Variants in RALYL observed in about 807,000 individuals in gnomAD.
The protein encoded by RALYL is RALY RNA binding protein like, also known as RNA-binding Raly-like protein.
In RALYL, 29 loss-of-function variants were observed where a neutral mutation model predicts 35.1. The observed-to-expected ratio is 0.83, with a 90% confidence interval of 0.61 to 1.13. RALYL has a LOEUF of 1.13. Among genes scored for constraint, RALYL ranks in the 50% most tolerant of loss-of-function variants. The pLI, the probability that RALYL is intolerant of heterozygous loss-of-function variation, is 0.00. For missense variants in RALYL, 359 were observed against 360.4 expected, an observed-to-expected ratio of 1.00 and a Z score of 0.03; for synonymous variants, 120 against 127.6, an observed-to-expected ratio of 0.94 and a Z score of 0.40.
At chr8:84,560,706 T>A (rs766063464) in intron 2 of RALYL, among the ~76,000 whole-genome samples, 1 of 151,904 alleles carries the variant, frequency 6.6e-6, no homozygotes, top group African/African-American at 2.4e-5. Flanking sequence ...GGAGACCAAA[T>A]TTCAAGTGAA....
chr8:84,905,576 T>C (rs951340952), intron 8 of RALYL, among the ~76,000 whole-genome samples: 5 of 152,152 alleles, frequency 3.3e-5, no homozygotes, highest in African/African-American at 1.2e-4. Flanking sequence ...TCCACTTATC[T>C]TTGTATTCTA....
At position 84,597,570 on chromosome 8, in the gene RALYL, G is replaced by C. The variant is rs113653969; in HGVS notation, c.256+67993G>C. On this transcript the variant is annotated intron_variant, in intron 2 of 8. Transcript: ENST00000521268. ...CATGCTCCATGGATTTCACCCTAAT[G>C]ATGTATCTAAAGTAGGGATCAGCAA... Among the ~76,000 whole-genome samples, 1,212 of 152,096 alleles carry C rather than the reference G, an allele frequency of 8.0e-3. 16 individuals are homozygous for C. Among genetic ancestry groups the C allele is most frequent in the African/African-American group, 0.027 (1,126 of 41,502 alleles).
intron 4 of RALYL, among the ~76,000 whole-genome samples, chr8:84,844,589 T>A (rs1460573062): frequency 7.2e-5 from 11 of 152,114 alleles, no homozygotes; most frequent in Admixed American, 7.2e-4. Context: ...GAACTAGAAA[T>A]ACCATTTGAC....
intron 1 of RALYL, among the ~76,000 whole-genome samples, chr8:84,267,768 C>A (rs1833608602): frequency 6.6e-6 from 1 of 152,104 alleles, no homozygotes; most frequent in African/African-American, 2.4e-5. Context: ...TTATAAAATC[C>A]TTGATTGGTC....
chr8:84,569,295 T>G (rs576500662), intron 2 of RALYL, among the ~76,000 whole-genome samples: 6 of 152,206 alleles, frequency 3.9e-5, no homozygotes, highest in Admixed American at 3.9e-4. Flanking sequence ...CACCATTTAT[T>G]AAATAGGGAA....
intron 1 of RALYL, among the ~76,000 whole-genome samples, chr8:84,401,807 C>A (rs1356171495): frequency 6.6e-6 from 1 of 151,642 alleles, no homozygotes; most frequent in African/African-American, 2.4e-5. Flanking sequence ...TATAGCCTGA[C>A]AGACATTGCA....
chr8:84,320,439 C>T (rs1395175969), intron 1 of RALYL, among the ~76,000 whole-genome samples: 1 of 150,828 alleles, frequency 6.6e-6, no homozygotes, highest in African/African-American at 2.5e-5. Flanking sequence ...TATACATGCA[C>T]ATACACACAC....
At chr8:84,650,854 A>G (rs1828629341) in intron 2 of RALYL, among the ~76,000 whole-genome samples, 1 of 152,154 alleles carries the variant, frequency 6.6e-6, no homozygotes, top group African/African-American at 2.4e-5. Context: ...TGGATTAAGA[A>G]AATGTGGCAC....
chr8:84,884,951 G>A (rs1025979293), intron 7 of RALYL, among the ~76,000 whole-genome samples: 13 of 152,040 alleles, frequency 8.6e-5, no homozygotes, highest in African/African-American at 3.1e-4. Context: ...GAGGAAGAGT[G>A]GGGGGCCAAA....
At chr8:84,262,641 G>T (rs1223462953) in intron 1 of RALYL, among the ~76,000 whole-genome samples, 1 of 152,032 alleles carries the variant, frequency 6.6e-6, no homozygotes, top group Non-Finnish European at 1.5e-5. Context: ...TAGAAATAAT[G>T]TTTTTACATT....
intron 2 of RALYL, among the ~76,000 whole-genome samples, chr8:84,727,138 T>A (rs1845113750): frequency 6.6e-6 from 1 of 152,040 alleles, no homozygotes; most frequent in South Asian, 2.1e-4. Flanking sequence ...TGAGACATTA[T>A]AATAAAAATA....
At chr8:84,397,238 T>C (rs962656923) in intron 1 of RALYL, among the ~76,000 whole-genome samples, 8 of 152,288 alleles carry the variant, frequency 5.3e-5, no homozygotes, top group Admixed American at 2.6e-4. Flanking sequence ...TACCACTACC[T>C]ATACCTTAAT....
chr8:84,352,807 T>C (rs1335935319), intron 1 of RALYL, among the ~76,000 whole-genome samples: 1 of 150,264 alleles, frequency 6.7e-6, no homozygotes, highest in Non-Finnish European at 1.5e-5. Flanking sequence ...TTTCCCCATG[T>C]TGGCCATGGG....
Position 84,721,282 on chromosome 8 carries a change from C to G in RALYL, c.257-53297C>G, listed in dbSNP as rs553563086. 6.3e-4 allele frequency among the ~76,000 whole-genome samples: 96 copies of G among 152,058 alleles called. 2 individuals are homozygous for G. In the South Asian group the frequency reaches 0.019, roughly 30 times the overall value. ...GATCCAGCAGTTTCATTACTGAGTA[C>G]TGGTTATATACCCAAAAGAAATGAA... is the stretch of plus-strand genomic sequence containing the variant. On this transcript the variant is annotated intron_variant, in intron 2 of 8. Coordinates refer to ENST00000521268, the MANE Select transcript of RALYL (RefSeq NM_173848.7).
chr8:84,858,690 A>G (rs1837523176), intron 5 of RALYL, among the ~76,000 whole-genome samples: 1 of 152,184 alleles, frequency 6.6e-6, no homozygotes, highest in Non-Finnish European at 1.5e-5. Context: ...TGTAGGCCGA[A>G]TTCTGATGAG....
intron 8 of RALYL, among the ~76,000 whole-genome samples, chr8:84,898,855 A>G (rs1845193302): frequency 6.6e-6 from 1 of 152,182 alleles, no homozygotes; most frequent in African/African-American, 2.4e-5. Context: ...TTACTCAGGC[A>G]CATCCTCCAC....
chr8:84,222,155 T>C (rs1822386455), intron 1 of RALYL, among the ~76,000 whole-genome samples: 1 of 152,070 alleles, frequency 6.6e-6, no homozygotes, highest in Non-Finnish European at 1.5e-5. Context: ...AGATGAGTGG[T>C]ATGCAGAGGT....
chr8:84,580,875 C>T (rs968911190), intron 2 of RALYL, among the ~76,000 whole-genome samples: 2 of 152,104 alleles, frequency 1.3e-5, no homozygotes, highest in African/African-American at 2.4e-5. Context: ...CATGTTTCTG[C>T]TCCACAGGTT....
At chr8:84,786,867 T>G (rs759136465) in intron 3 of RALYL, among the ~76,000 whole-genome samples, 5 of 152,140 alleles carry the variant, frequency 3.3e-5, no homozygotes, top group Non-Finnish European at 7.4e-5. Context: ...GCTTTTGCTG[T>G]GATTGCTTTT....
Sources: allele counts gnomAD v4.1 joint callset (sites outside exome capture counted in the v4.1 genomes callset), GRCh38; gene constraint gnomAD v4.1.1; transcripts MANE v1.5; gene names NCBI Gene and HGNC (gene_info 2026-07-23, HGNC 2026-07-21).